The following DLGAP2 variants were observed in gnomAD, a reference collection of about 807,000 sequenced individuals.
The protein encoded by DLGAP2 is DLG associated protein 2, also known as disks large-associated protein 2.
In DLGAP2, 26 loss-of-function variants were observed where a neutral mutation model predicts 100.3. The ratio of observed to expected loss-of-function variants is 0.26; its 90% confidence interval spans 0.19 to 0.36. DLGAP2 has a LOEUF of 0.36. DLGAP2 is among the 10% of genes least tolerant of loss of function. DLGAP2 has a pLI of 1.00. For synonymous variants in DLGAP2, 886 were observed against 630.1 expected (o/e 1.41, Z -6.08); for missense variants, 1,858 against 1,453.2 (o/e 1.28, Z -4.53).
chr8:1,532,674 G>C (rs1338981498), intron 4 of DLGAP2, among the ~76,000 whole-genome samples: 1 of 152,150 alleles, frequency 6.6e-6, no homozygotes, highest in Non-Finnish European at 1.5e-5. Context: ...TCAAAGAAAT[G>C]TGCAAAAACT....
chr8:1,182,189 C>T (rs1264300916), intron 2 of DLGAP2, among the ~76,000 whole-genome samples: 3 of 152,234 alleles, frequency 2.0e-5, no homozygotes, highest in East Asian at 1.9e-4. Flanking sequence ...ATCTCAGTCA[C>T]GGTGCTCTAA....
chr8:1,678,163 T>C (rs1457861192), intron 11 of DLGAP2, 51 bp from the exon 12 acceptor site: 2 of 1,552,642 alleles, frequency 1.3e-6, no homozygotes, highest in East Asian at 4.5e-5. Flanking sequence ...CTTTGTTGCA[T>C]GAAGTCCTCT....
intron 4 of DLGAP2, among the ~76,000 whole-genome samples, chr8:1,525,475 C>T (rs1167977897): frequency 6.6e-6 from 1 of 152,152 alleles, no homozygotes; most frequent in East Asian, 1.9e-4. Flanking sequence ...AGTGTACAAT[C>T]CTGGCGATGG....
intron 2 of DLGAP2, among the ~76,000 whole-genome samples, chr8:1,059,054 T>TC (rs1262687937): frequency 6.6e-6 from 1 of 152,096 alleles, no homozygotes; most frequent in African/African-American, 2.4e-5. Flanking sequence ...TCTCCAGGGC[T>TC]CCCCCCATGT....
chr8:1,457,986 A>ATG (rs1798364566), intron 3 of DLGAP2, among the ~76,000 whole-genome samples: 1 of 35,728 alleles, frequency 2.8e-5, no homozygotes, highest in Non-Finnish European at 5.2e-5. Flanking sequence ...ATATATATAT[A>ATG]TATATATATA....
chr8:1,553,804 G>T (rs1311127990), intron 5 of DLGAP2, among the ~76,000 whole-genome samples: 5 of 152,194 alleles, frequency 3.3e-5, no homozygotes, highest in Non-Finnish European at 7.3e-5. Context: ...TGTAGGCCGT[G>T]CAGATCCCTG....
At chr8:1,363,991 C>CCT (rs1438719967) in intron 3 of DLGAP2, among the ~76,000 whole-genome samples, 2 of 152,210 alleles carry the variant, frequency 1.3e-5, no homozygotes, top group African/African-American at 4.8e-5. Flanking sequence ...AGCCCCTCAT[C>CCT]CTCTGTCAGG....
At chr8:911,051 T>C (rs1231416979) in intron 2 of DLGAP2, among the ~76,000 whole-genome samples, 1 of 152,102 alleles carries the variant, frequency 6.6e-6, no homozygotes, top group East Asian at 1.9e-4. Flanking sequence ...GAGTGACTTC[T>C]TCACAAACAT....
chr8:1,538,118 C>G (rs1801218976), intron 4 of DLGAP2, among the ~76,000 whole-genome samples: 1 of 152,184 alleles, frequency 6.6e-6, no homozygotes, highest in South Asian at 2.1e-4. Context: ...GCTGCCGAGG[C>G]ACTCATGTCC....
chr8:1,045,270 G>C (rs1349988576), intron 2 of DLGAP2, among the ~76,000 whole-genome samples: 1 of 152,162 alleles, frequency 6.6e-6, no homozygotes, highest in Non-Finnish European at 1.5e-5. Context: ...TAATAGTTTG[G>C]TTGTCAGCAT....
intron 3 of DLGAP2, among the ~76,000 whole-genome samples, chr8:1,420,502 C>G (rs1797060828): frequency 6.6e-6 from 1 of 152,188 alleles, no homozygotes; most frequent in South Asian, 2.1e-4. Context: ...ATTTCCTAAA[C>G]TACAACTCTA....
Position 788,690 on chromosome 8 carries a change from T to C in DLGAP2, c.18+50865T>C, listed in dbSNP as rs539202024. ...GGCAGAAGTCAGTGCTGTTCTGTCCTCCTTCCTGGGGGCAGTGTTTTAATC... is the reference window on the plus strand; with the variant it reads ...GGCAGAAGTCAGTGCTGTTCTGTCCCCCTTCCTGGGGGCAGTGTTTTAATC... On this transcript the variant is annotated intron_variant, in intron 1 of 14. Transcript: ENST00000637795. Among the ~76,000 whole-genome samples, 189 of 152,364 alleles carry C rather than the reference T, an allele frequency of 1.2e-3. 2 individuals carry two copies. The highest frequency in any genetic ancestry group is 4.5e-3 in the African/African-American group (186 of 41,582).
At chr8:1,206,724 A>T (rs949024198) in intron 2 of DLGAP2, among the ~76,000 whole-genome samples, 9 of 151,986 alleles carry the variant, frequency 5.9e-5, no homozygotes, top group Non-Finnish European at 1.3e-4. Context: ...CACAGTCCTT[A>T]GCTGCGTCCT....
At chr8:1,636,002 C>T (rs780217136) in intron 8 of DLGAP2, among the ~76,000 whole-genome samples, 1 of 152,176 alleles carries the variant, frequency 6.6e-6, no homozygotes, top group Non-Finnish European at 1.5e-5. Context: ...GTGAGCCACG[C>T]ATATAAACGT....
chr8:1,486,967 G>A (rs2130266354), intron 3 of DLGAP2, among the ~76,000 whole-genome samples: 1 of 152,278 alleles, frequency 6.6e-6, no homozygotes, highest in East Asian at 1.9e-4. Context: ...AAACAATATT[G>A]GGGCCCGCCA....
In DLGAP2 at chr8:1,499,618, G is replaced by A. The variant is rs116806554; in HGVS notation, c.107-1748G>A. 7.9e-3 allele frequency among the ~76,000 whole-genome samples: 1,199 copies of A among 152,260 alleles called. 12 individuals carry two copies. Among genetic ancestry groups the A allele is most frequent in the African/African-American group, 0.028 (1,161 of 41,542 alleles). ...AAACGCAGCTTAAACTATGCAAAAAGTGCTGTTAGCCTTGAAGAAATGGGG... is the reference window on the plus strand; with the variant it reads ...AAACGCAGCTTAAACTATGCAAAAAATGCTGTTAGCCTTGAAGAAATGGGG... On this transcript the variant is annotated intron_variant, in intron 3 of 14. Coordinates refer to ENST00000637795, the MANE Select transcript of DLGAP2 (RefSeq NM_001346810.2).
At chr8:1,176,588 A>T (rs1193057813) in intron 2 of DLGAP2, among the ~76,000 whole-genome samples, 1 of 91,398 alleles carries the variant, frequency 1.1e-5, no homozygotes, top group Admixed American at 1.3e-4. Flanking sequence ...ACCCATCTCA[A>T]TCCAGTGCAC....
chr8:1,120,224 C>G (rs1796002870), intron 2 of DLGAP2, among the ~76,000 whole-genome samples: 1 of 152,154 alleles, frequency 6.6e-6, no homozygotes, highest in Non-Finnish European at 1.5e-5. Flanking sequence ...CATGCAGCTG[C>G]TTCTGTGGCT....
At chr8:965,776 C>G (rs957023738) in intron 2 of DLGAP2, among the ~76,000 whole-genome samples, 4 of 144,824 alleles carry the variant, frequency 2.8e-5, no homozygotes, top group African/African-American at 1.1e-4. Context: ...GCGCTGCACA[C>G]GGCACTGTTC....
Sources: gnomAD v4.1 joint callset for allele counts (sites outside exome capture counted in the v4.1 genomes callset) on GRCh38, gnomAD v4.1.1 for gene constraint, MANE v1.5 for transcripts, NCBI Gene and HGNC (gene_info 2026-07-23, HGNC 2026-07-21) for gene names.